TENM2: variants seen among roughly 807,000 people sequenced by gnomAD.
TENM2 encodes the protein teneurin transmembrane protein 2.
Under a neutral mutation model 245.2 loss-of-function variants are expected in TENM2, and 52 were observed. The observed-to-expected ratio is 0.21, with a 90% confidence interval of 0.17 to 0.27. The LOEUF (loss-of-function observed/expected upper bound fraction) is 0.27, where lower values mean the gene tolerates loss of function less well. Ranked by LOEUF, TENM2 falls within the 10% of genes least tolerant of loss-of-function variation. The probability of loss-of-function intolerance (pLI) is 1.00; values close to 1 mark genes in which losing one functional copy is unlikely to be tolerated. For synonymous variants in TENM2, 1,363 were observed against 1,438.9 expected (o/e 0.95, Z 1.19); for missense variants, 3,046 against 3,666.8 (o/e 0.83, Z 4.37).
chr5:168,023,479 A>T (rs1477188971), intron 5 of TENM2, among the ~76,000 whole-genome samples: 1 of 152,116 alleles, frequency 6.6e-6, no homozygotes, highest in Non-Finnish European at 1.5e-5. Context: ...TGGCTTTGGC[A>T]CTAAGTGGCT....
At chr5:167,564,891 G>A (rs993661827) in intron 2 of TENM2, among the ~76,000 whole-genome samples, 1 of 152,234 alleles carries the variant, frequency 6.6e-6, no homozygotes, top group African/African-American at 2.4e-5. Context: ...GCCAAAGCAA[G>A]TCATGGCCAA....
chr5:167,196,792 G>A, the TENM2 span, among the ~76,000 whole-genome samples: 1 of 151,828 alleles, frequency 6.6e-6, no homozygotes, highest in Non-Finnish European at 1.5e-5. Flanking sequence ...AGTCACTAGA[G>A]AGGATTTGAA....
the TENM2 span, among the ~76,000 whole-genome samples, chr5:167,222,883 TA>T: frequency 6.6e-6 from 1 of 152,160 alleles, no homozygotes; most frequent in Non-Finnish European, 1.5e-5. Context: ...AACACACACA[TA>T]AAATATAGCC....
chr5:167,095,356 G>C, the TENM2 span, among the ~76,000 whole-genome samples: 2 of 152,228 alleles, frequency 1.3e-5, no homozygotes, highest in African/African-American at 4.8e-5. Flanking sequence ...AGACTGACAT[G>C]GGGCAGGGCT....
chr5:167,141,905 AATTGTGTCAATAATT>A, the TENM2 span, among the ~76,000 whole-genome samples: 1 of 152,180 alleles, frequency 6.6e-6, no homozygotes, highest in Non-Finnish European at 1.5e-5. Flanking sequence ...GTCAAAGCTT[AATTGTGTCAATAATT>A]ATTTGTGTAT....
chr5:167,280,710 G>A (rs558461120), upstream of TENM2, among the ~76,000 whole-genome samples: 7 of 152,118 alleles, frequency 4.6e-5, no homozygotes, highest in East Asian at 1.4e-3. Flanking sequence ...TGGGTTGCCA[G>A]CTCCATGTCT....
intron 2 of TENM2, among the ~76,000 whole-genome samples, chr5:167,834,965 T>G (rs1226922968): frequency 6.6e-6 from 1 of 152,210 alleles, no homozygotes; most frequent in Non-Finnish European, 1.5e-5. Flanking sequence ...GTCTGTACAA[T>G]TTCAACTAAG....
chr5:167,747,803 T>A (rs1395465193), intron 2 of TENM2, among the ~76,000 whole-genome samples: 1 of 152,192 alleles, frequency 6.6e-6, no homozygotes, highest in Non-Finnish European at 1.5e-5. Flanking sequence ...ATTTCTGACA[T>A]TTATTTGAAT....
exon 29 of TENM2, chr5:168,262,156 A>C: frequency 6.2e-7 from 1 of 1,613,602 alleles, no homozygotes; most frequent in Non-Finnish European, 8.5e-7. Context: ...GAGAGAAAGC[A>C]GGTCACTGGT....
intron 10 of TENM2, among the ~76,000 whole-genome samples, chr5:168,123,075 T>C (rs1795583300): frequency 6.6e-6 from 1 of 151,778 alleles, no homozygotes; most frequent in African/African-American, 2.4e-5. Context: ...GATAGGAGGA[T>C]TGCTTGAGCC....
At chr5:167,845,621 A>G (rs1166068893) in intron 2 of TENM2, among the ~76,000 whole-genome samples, 1 of 152,188 alleles carries the variant, frequency 6.6e-6, no homozygotes, top group Non-Finnish European at 1.5e-5. Flanking sequence ...TGGGGGGAAT[A>G]TGTACCCCAC....
chr5:167,965,838 G>C (rs1444574853), intron 4 of TENM2, among the ~76,000 whole-genome samples: 1 of 152,136 alleles, frequency 6.6e-6, no homozygotes, highest in Non-Finnish European at 1.5e-5. Flanking sequence ...GCTGAAATTT[G>C]AACCTGGGTT....
chr5:167,502,015 A>C (rs974623607), intron 2 of TENM2, among the ~76,000 whole-genome samples: 21 of 152,072 alleles, frequency 1.4e-4, no homozygotes, highest in African/African-American at 4.3e-4. Flanking sequence ...AAAATAACAA[A>C]AAAAAAAAGG....
At chr5:167,271,307 G>A in the TENM2 span, among the ~76,000 whole-genome samples, 1 of 152,086 alleles carries the variant, frequency 6.6e-6, no homozygotes, top group Non-Finnish European at 1.5e-5. Context: ...AGGAAAATGG[G>A]AGGAGAGCTG....
At chr5:168,169,379 C>G (rs1209892069) in intron 13 of TENM2, among the ~76,000 whole-genome samples, 1 of 152,204 alleles carries the variant, frequency 6.6e-6, no homozygotes. Flanking sequence ...TTGGTTCACT[C>G]CAAAGGAGGC....
chr5:167,400,350 G>A (rs1384855261), intron 2 of TENM2, among the ~76,000 whole-genome samples: 7 of 151,966 alleles, frequency 4.6e-5, no homozygotes, highest in African/African-American at 1.7e-4. Flanking sequence ...ATAGAGAGAG[G>A]GAGGATTCTA....
At chr5:167,360,600 C>G (rs80242044) in intron 1 of TENM2, among the ~76,000 whole-genome samples, 5 of 152,080 alleles carry the variant, frequency 3.3e-5, no homozygotes, top group Admixed American at 2.6e-4. Context: ...ATATTCATTA[C>G]AGGAAAAAGA....
chr5:167,792,500 G>A (rs189713183), intron 2 of TENM2, among the ~76,000 whole-genome samples: 27 of 152,018 alleles, frequency 1.8e-4, no homozygotes, highest in Admixed American at 7.2e-4. Context: ...AGATGTGATC[G>A]TCACGTGTGG....
chr5:167,642,567 A>G (rs771687059), intron 2 of TENM2, among the ~76,000 whole-genome samples: 2 of 152,098 alleles, frequency 1.3e-5, no homozygotes, highest in Non-Finnish European at 2.9e-5. Context: ...AACTGAATCT[A>G]TTGTGAGCCT....
Sources: gnomAD v4.1 joint callset for allele counts (sites outside exome capture counted in the v4.1 genomes callset) on GRCh38, gnomAD v4.1.1 for gene constraint, MANE v1.5 for transcripts, NCBI Gene and HGNC (gene_info 2026-07-23, HGNC 2026-07-21) for gene names.